Variants in OXR1 observed in about 807,000 individuals in gnomAD.
The protein encoded by OXR1 is oxidation resistance 1.
Under a neutral mutation model 104.6 loss-of-function variants are expected in OXR1, and 41 were observed. That is an observed-to-expected ratio of 0.39 (90% CI 0.31 to 0.51). OXR1 has a LOEUF of 0.51. Among genes scored for constraint, OXR1 ranks in the 20% least tolerant of loss-of-function variants. The probability of loss-of-function intolerance (pLI) is 0.77; values close to 1 mark genes in which losing one functional copy is unlikely to be tolerated. For missense variants in OXR1, 955 were observed against 1,031.9 expected (o/e 0.93, Z 1.02); for synonymous variants, 348 against 348.4 (o/e 1.00, Z 0.01).
At chr8:106,306,666 C>A (rs967382432) in intron 1 of OXR1, among the ~76,000 whole-genome samples, 9 of 152,112 alleles carry the variant, frequency 5.9e-5, no homozygotes, top group African/African-American at 2.2e-4. Flanking sequence ...AAAAATAGTA[C>A]ATTTTGTATG....
chr8:106,604,740 T>G (rs1431858388), intron 3 of OXR1: 7 of 152,190 alleles, frequency 4.6e-5, no homozygotes, highest in Non-Finnish European at 8.8e-5. Flanking sequence ...AAGCCTATCT[T>G]TCGATAATTG....
intron 1 of OXR1, among the ~76,000 whole-genome samples, chr8:106,297,965 A>G (rs942934405): frequency 2.0e-5 from 3 of 152,184 alleles, no homozygotes; most frequent in African/African-American, 4.8e-5. Flanking sequence ...AGATACATAA[A>G]CTTTATCCTG....
intron 3 of OXR1, among the ~76,000 whole-genome samples, chr8:106,582,157 G>C (rs1042010060): frequency 8.1e-6 from 1 of 123,538 alleles, no homozygotes; most frequent in African/African-American, 3.6e-5. Flanking sequence ...AAACAAGCAA[G>C]ACAGATTTTT....
At chr8:106,541,403 A>G (rs1367254330) in intron 3 of OXR1, among the ~76,000 whole-genome samples, 1 of 152,200 alleles carries the variant, frequency 6.6e-6, no homozygotes, top group African/African-American at 2.4e-5. Flanking sequence ...GCCTCTACCA[A>G]CAAGCATAAA....
intron 2 of OXR1, among the ~76,000 whole-genome samples, chr8:106,426,715 A>G (rs1450408626): frequency 1.3e-5 from 2 of 152,184 alleles, no homozygotes; most frequent in African/African-American, 4.8e-5. Context: ...TAAAATTAAT[A>G]TGATGATAGT....
intron 1 of OXR1, among the ~76,000 whole-genome samples, chr8:106,307,997 G>C (rs1021339192): frequency 3.3e-5 from 5 of 150,150 alleles, no homozygotes; most frequent in African/African-American, 1.2e-4. Context: ...GAACCAAAAG[G>C]ACACACACAC....
At chr8:106,382,986 T>C (rs1817218912) in intron 2 of OXR1, among the ~76,000 whole-genome samples, 2 of 147,520 alleles carry the variant, frequency 1.4e-5, no homozygotes, top group African/African-American at 5.1e-5. Context: ...GGAAGAGTAC[T>C]TTTTCTTTTT....
At chr8:106,577,220 T>G (rs928210848) in intron 3 of OXR1, among the ~76,000 whole-genome samples, 3 of 150,346 alleles carry the variant, frequency 2.0e-5, no homozygotes, top group African/African-American at 4.9e-5. Flanking sequence ...TGTTTTTTGT[T>G]TTTTTTTTGA....
At chr8:106,379,401 A>G (rs775459714) in intron 2 of OXR1, among the ~76,000 whole-genome samples, 50 of 152,132 alleles carry the variant, frequency 3.3e-4, no homozygotes, top group Non-Finnish European at 6.3e-4. Context: ...CAAGAGAAGA[A>G]CATTATAAGC....
At chr8:106,433,970 T>A (rs1229079961) in intron 2 of OXR1, among the ~76,000 whole-genome samples, 1 of 152,200 alleles carries the variant, frequency 6.6e-6, no homozygotes, top group Non-Finnish European at 1.5e-5. Context: ...GTTTAAATTA[T>A]TTTTTGCTTT....
At chr8:106,310,655 C>T (rs1286175823) in intron 1 of OXR1, among the ~76,000 whole-genome samples, 1 of 152,120 alleles carries the variant, frequency 6.6e-6, no homozygotes, top group African/African-American at 2.4e-5. Context: ...ATTCTAATCT[C>T]ACATTTGATT....
chr8:106,722,276 TA>T (rs1832883165), intron 11 of OXR1, among the ~76,000 whole-genome samples: 1 of 152,196 alleles, frequency 6.6e-6, no homozygotes, highest in Non-Finnish European at 1.5e-5. Context: ...TCTTTGTGTA[TA>T]AAGTCACTAC....
At chr8:106,490,554 T>C (rs1223713912) in intron 2 of OXR1, among the ~76,000 whole-genome samples, 1 of 152,100 alleles carries the variant, frequency 6.6e-6, no homozygotes, top group African/African-American at 2.4e-5. Context: ...TTAGGGAAGA[T>C]GGGGTTTCAC....
chr8:106,293,552 T>C (rs183578514), intron 1 of OXR1, among the ~76,000 whole-genome samples: 183 of 152,316 alleles, frequency 1.2e-3, no homozygotes, highest in African/African-American at 4.1e-3. Context: ...AACTTTTGTG[T>C]CTTGGGTTAT....
At chr8:106,631,369 T>C (rs1407810977) in intron 3 of OXR1, among the ~76,000 whole-genome samples, 1 of 152,216 alleles carries the variant, frequency 6.6e-6, no homozygotes, top group Non-Finnish European at 1.5e-5. Flanking sequence ...CTTGATGGCA[T>C]TAAGTGAGGA....
At chr8:106,311,101 T>G (rs1189126732) in intron 1 of OXR1, among the ~76,000 whole-genome samples, 1 of 152,078 alleles carries the variant, frequency 6.6e-6, no homozygotes, top group Non-Finnish European at 1.5e-5. Flanking sequence ...TTATCTCTAA[T>G]TTTTATCTTT....
At chr8:106,302,596 A>C (rs533624268) in intron 1 of OXR1, among the ~76,000 whole-genome samples, 3 of 151,806 alleles carry the variant, frequency 2.0e-5, no homozygotes, top group Non-Finnish European at 2.9e-5. Context: ...AAAAAAAAAA[A>C]AAACAAGAAT....
At chr8:106,469,944 C>A (rs753502760) in intron 2 of OXR1, among the ~76,000 whole-genome samples, 1 of 151,628 alleles carries the variant, frequency 6.6e-6, no homozygotes, top group East Asian at 1.9e-4. Flanking sequence ...AATGAATCTG[C>A]GAAACAGGTA....
intron 3 of OXR1, among the ~76,000 whole-genome samples, chr8:106,572,925 A>G (rs1817578117): frequency 6.6e-6 from 1 of 152,286 alleles, no homozygotes; most frequent in Non-Finnish European, 1.5e-5. Context: ...TCTGTAGTCA[A>G]GCAAGCCAAT....
Sources: gnomAD v4.1 joint callset for allele counts (sites outside exome capture counted in the v4.1 genomes callset) on GRCh38, gnomAD v4.1.1 for gene constraint, MANE v1.5 for transcripts, NCBI Gene and HGNC (gene_info 2026-07-23, HGNC 2026-07-21) for gene names.